The following RASA2 variants were observed in gnomAD, a reference collection of about 807,000 sequenced individuals.
RASA2 encodes RAS p21 protein activator 2.
RASA2 carries 155 observed loss-of-function variants against 118.2 expected under a neutral mutation model. The ratio of observed to expected loss-of-function variants is 1.31; its 90% CI spans 1.15 to 1.50. RASA2 has a LOEUF of 1.50. Ranked by LOEUF, RASA2 falls within the 40% of genes most tolerant of loss-of-function variation. The pLI is 0.00. For synonymous variants in RASA2, 353 were observed against 349.1 expected, an observed-to-expected ratio of 1.01 and a Z score of -0.12; for missense variants, 1,016 against 1,009.6, an observed-to-expected ratio of 1.01 and a Z score of -0.09.
At chr3:141,515,773 G>T (rs1328089949) in intron 2 of RASA2, among the ~76,000 whole-genome samples, 1 of 151,546 alleles carries the variant, frequency 6.6e-6, no homozygotes, top group Non-Finnish European at 1.5e-5. Context: ...GGTGGCATGT[G>T]CCTGTAGTCC....
intron 2 of RASA2, among the ~76,000 whole-genome samples, chr3:141,515,840 T>A (rs1467080632): frequency 2.1e-5 from 3 of 144,892 alleles, no homozygotes; most frequent in East Asian, 4.0e-4. Context: ...CTGGAGGTTG[T>A]GGTGAGCTGA....
chr3:141,572,773 T>G (rs778139135), intron 12 of RASA2, 50 bp downstream of exon 12: 1 of 1,353,104 alleles, frequency 7.4e-7, no homozygotes, highest in South Asian at 1.3e-5. Context: ...ATGATAGTTG[T>G]TCTTTTATCA....
chr3:141,504,284 T>G (rs1408208984), intron 1 of RASA2, among the ~76,000 whole-genome samples: 1 of 152,234 alleles, frequency 6.6e-6, no homozygotes, highest in African/African-American at 2.4e-5. Context: ...AAATTTTATG[T>G]ACTTACTGAT....
At chr3:141,588,459 G>A (rs2083240116) in intron 19 of RASA2, among the ~76,000 whole-genome samples, 2 of 152,196 alleles carry the variant, frequency 1.3e-5, no homozygotes, top group African/African-American at 2.4e-5. Flanking sequence ...GCAACATTCA[G>A]TATGTTTTAC....
At chr3:141,580,088 ATATATATATATATATAT>A (rs2083085638) in intron 15 of RASA2, among the ~76,000 whole-genome samples, 1 of 79,016 alleles carries the variant, frequency 1.3e-5, no homozygotes, top group Non-Finnish European at 2.3e-5. Context: ...AAAAAAAAAT[ATATATATATATATATAT>A]ATATATATAT....
chr3:141,588,590 A>G (rs901005761), intron 19 of RASA2, among the ~76,000 whole-genome samples: 2 of 152,200 alleles, frequency 1.3e-5, no homozygotes, highest in Admixed American at 1.3e-4. Flanking sequence ...AGGATATAAC[A>G]CAGTTAAGTA....
At chr3:141,502,472 C>G (rs918732723) in intron 1 of RASA2, among the ~76,000 whole-genome samples, 4 of 152,064 alleles carry the variant, frequency 2.6e-5, no homozygotes, top group Admixed American at 6.6e-5. Flanking sequence ...TCTCATTCCC[C>G]CTTCATCTCT....
intron 19 of RASA2, among the ~76,000 whole-genome samples, chr3:141,590,809 A>G (rs1317391944): frequency 3.3e-5 from 5 of 152,210 alleles, no homozygotes; most frequent in African/African-American, 7.2e-5. Flanking sequence ...AATAATATGC[A>G]TAGTCTTTTC....
intron 5 of RASA2, among the ~76,000 whole-genome samples, chr3:141,548,795 G>A (rs188618601): frequency 5.7e-4 from 87 of 152,178 alleles, no homozygotes; most frequent in Middle Eastern, 3.4e-3. Context: ...TCTTCACTGT[G>A]TTCCTGTTTT....
At chr3:141,504,311 C>A (rs906980527) in intron 1 of RASA2, among the ~76,000 whole-genome samples, 1 of 152,152 alleles carries the variant, frequency 6.6e-6, no homozygotes, top group African/African-American at 2.4e-5. Flanking sequence ...CAAATTTTTT[C>A]TCTATCTAGG....
Position 141,515,856 on chromosome 3 carries a change from C to T in RASA2, c.252-472C>T, listed in dbSNP as rs559371483. On this transcript the variant is annotated intron_variant, in intron 2 of 23. Transcript: ENST00000286364. ...TGGAGGTTGTGGTGAGCTGAGATCA[C>T]GCCACTGGACTCCAGCCTGGCAACA... Among the ~76,000 whole-genome samples the T allele has an allele frequency of 2.2e-4, 32 of 148,500 alleles. No homozygotes were observed. The East Asian group carries it at 2.7e-3, about 13-fold the overall frequency.
chr3:141,597,448 G>A (rs1321972844), intron 19 of RASA2, among the ~76,000 whole-genome samples: 2 of 152,086 alleles, frequency 1.3e-5, no homozygotes, highest in Non-Finnish European at 2.9e-5. Flanking sequence ...GGACAGGTTG[G>A]GAACCAGTCC....
At position 141,508,036 on chromosome 3, in the gene RASA2, G is replaced by C. The variant is rs150938886; in HGVS notation, c.134-4127G>C. Among the ~76,000 whole-genome samples, 8 of 152,174 alleles carry C rather than the reference G, an allele frequency of 5.3e-5. No individual in the cohort carries two copies. The East Asian group carries it at 1.5e-3, about 29-fold the overall frequency. On this transcript the variant is annotated intron_variant, in intron 1 of 23. Coordinates refer to ENST00000286364, the MANE Select transcript of RASA2 (RefSeq NM_006506.5). ...CTGTCATTAAACGGGCTATAGATAA[G>C]TTGAGAAAGTTTATAAATAATACCG...
chr3:141,607,713 A>T lies in RASA2; in HGVS notation c.1969A>T (p.Ile657Phe). 6.2e-7 allele frequency: 1 copy of T among 1,600,618 alleles called. No homozygotes were observed. Among genetic ancestry groups the T allele is most frequent in the Non-Finnish European group, 8.5e-7 (1 of 1,175,064 alleles). Reference protein sequence around the residue: ...DAIYTIPVKNILAVEKLEESS... With the variant: ...DAIYTIPVKNFLAVEKLEESS... ...AATCTACACAATCCCAGTAAAAAAC[A>T]TTCTTGCTGTGGAAAAACTGGAAGA... The change falls in exon 20 of 24, where the codon ATT becomes TTT. Residue 657 changes from isoleucine to phenylalanine, a missense_variant. Physicochemically the swap from Ile to Phe is conservative, Grantham distance 21 (BLOSUM62 0). This residue lies in a region of RASA2 where 896 missense variants were observed against 836.4 expected (regional missense o/e 1.07). Coordinates refer to ENST00000286364, the MANE Select transcript of RASA2 (RefSeq NM_006506.5).
rs1361154370 is a variant in RASA2 at position 141,571,404 on chromosome 3, A to G, written c.1021-2A>G. 6.2e-7 allele frequency: 1 copy of G among 1,610,776 alleles called. No individual in the cohort carries two copies. The highest frequency in any genetic ancestry group is 1.7e-5 in the Admixed American group (1 of 59,166). On this transcript the variant is annotated splice_acceptor_variant, in intron 10 of 23. Coordinates refer to ENST00000286364, the MANE Select transcript of RASA2 (RefSeq NM_006506.5). LOFTEE classifies it high-confidence loss of function. ...GCTTGTTTTCTACCTTTCTGTATTT[A>G]GCCAATATCTGCCTCAGCTGCTTAC...
intron 21 of RASA2, 103 bp from the exon 22 acceptor site, chr3:141,609,317 A>G (rs2083599548): frequency 1.6e-6 from 1 of 634,202 alleles, no homozygotes; most frequent in Non-Finnish European, 2.4e-6. Flanking sequence ...TTCCTTCTGC[A>G]AAAGTCTGTG....
At chr3:141,532,963 A>G (rs1404234824) in intron 4 of RASA2, among the ~76,000 whole-genome samples, 1 of 152,102 alleles carries the variant, frequency 6.6e-6, no homozygotes, top group Non-Finnish European at 1.5e-5. Flanking sequence ...TCTCATTTTA[A>G]TAACTATTTG....
intron 19 of RASA2, among the ~76,000 whole-genome samples, chr3:141,591,421 A>G (rs1429779261): frequency 2.6e-5 from 4 of 152,132 alleles, no homozygotes; most frequent in Admixed American, 2.6e-4. Flanking sequence ...ATCTTCAGCT[A>G]CGTGGCATTA....
chr3:141,529,606 A>G, intron 3 of RASA2, 102 bp from the exon 4 acceptor site: 1 of 705,332 alleles, frequency 1.4e-6, no homozygotes, highest in Non-Finnish European at 2.1e-6. Context: ...GGTACAAATC[A>G]TTTTAAAATA....
Sources: gnomAD v4.1 joint callset for allele counts (sites outside exome capture counted in the v4.1 genomes callset) on GRCh38, gnomAD v4.1.1 for gene constraint, gnomAD v4.1.1 regional missense constraint, MANE v1.5 for transcripts, NCBI Gene and HGNC (gene_info 2026-07-23, HGNC 2026-07-21) for gene names.